UVRAG: variants seen among roughly 807,000 people sequenced by gnomAD.
UVRAG encodes the protein UV radiation resistance-associated gene protein.
UVRAG carries 19 observed loss-of-function variants against 78.0 expected under a neutral mutation model. The observed-to-expected ratio is 0.24, with a 90% CI of 0.17 to 0.36. The LOEUF is 0.36. Among genes scored for constraint, UVRAG ranks in the 10% least tolerant of loss-of-function variants. The pLI, the probability that UVRAG is intolerant of heterozygous loss-of-function variation, is 1.00. For synonymous variants in UVRAG, 323 were observed against 324.6 expected (o/e 1.00, Z 0.05); for missense variants, 740 against 853.8 (o/e 0.87, Z 1.66).
intron 13 of UVRAG, among the ~76,000 whole-genome samples, chr11:76,086,781 C>T (rs1309583224): frequency 2.0e-5 from 3 of 152,110 alleles, no homozygotes; most frequent in African/African-American, 2.4e-5. Context: ...AACAAAGACC[C>T]GCAAGACTGT....
At chr11:75,951,372 G>C (rs972950199) in intron 6 of UVRAG, among the ~76,000 whole-genome samples, 1 of 141,032 alleles carries the variant, frequency 7.1e-6, no homozygotes, top group Non-Finnish European at 1.5e-5. Flanking sequence ...TATATTTTTT[G>C]TTTGTTTGTT....
At chr11:76,062,457 C>T (rs1455457672) in intron 12 of UVRAG, among the ~76,000 whole-genome samples, 2 of 152,124 alleles carry the variant, frequency 1.3e-5, no homozygotes, top group African/African-American at 2.4e-5. Flanking sequence ...TCCTGTAACG[C>T]ATATACCATT....
At chr11:75,835,166 A>C (rs530348185) in intron 1 of UVRAG, 1 of 152,090 alleles carries the variant, frequency 6.6e-6, no homozygotes, top group Admixed American at 6.5e-5. Context: ...TGTGTGTATC[A>C]TGTGTATTTT....
chr11:76,029,327 A>T (rs940914605), intron 12 of UVRAG, among the ~76,000 whole-genome samples: 4 of 151,654 alleles, frequency 2.6e-5, no homozygotes, highest in African/African-American at 9.7e-5. Flanking sequence ...TCCGCAACCC[A>T]TGGATGACTT....
chr11:76,131,269 G>A (rs868546042), intron 14 of UVRAG, among the ~76,000 whole-genome samples: 9 of 152,244 alleles, frequency 5.9e-5, no homozygotes, highest in African/African-American at 1.4e-4. Context: ...CTTTATCTCC[G>A]TGGAGGATCA....
chr11:75,856,252 C>T (rs1023610153), intron 2 of UVRAG, among the ~76,000 whole-genome samples: 5 of 152,158 alleles, frequency 3.3e-5, no homozygotes, highest in Non-Finnish European at 5.9e-5. Flanking sequence ...ATCCGCCTGC[C>T]TCGGCCTCCA....
chr11:75,866,434 G>C (rs1235469961), intron 3 of UVRAG, among the ~76,000 whole-genome samples: 1 of 151,980 alleles, frequency 6.6e-6, no homozygotes, highest in African/African-American at 2.4e-5. Flanking sequence ...GTAGTTCCCT[G>C]CTAGCTGGGA....
At chr11:75,907,444 A>G (rs1170930981) in intron 5 of UVRAG, among the ~76,000 whole-genome samples, 4 of 151,858 alleles carry the variant, frequency 2.6e-5, no homozygotes, top group African/African-American at 2.4e-5. Context: ...AATTTTGTCA[A>G]ATGCATTTTC....
intron 13 of UVRAG, among the ~76,000 whole-genome samples, chr11:76,086,469 G>A (rs1234014426): frequency 2.6e-5 from 4 of 152,122 alleles, no homozygotes; most frequent in Non-Finnish European, 4.4e-5. Flanking sequence ...TTTCATATTT[G>A]AAATTAATTA....
At chr11:75,959,375 A>G (rs1948866979) in intron 6 of UVRAG, among the ~76,000 whole-genome samples, 1 of 152,228 alleles carries the variant, frequency 6.6e-6, no homozygotes, top group Non-Finnish European at 1.5e-5. Context: ...CAGCTTCTCC[A>G]TTAGCACTTC....
chr11:76,019,762 T>C (rs1303435426), intron 12 of UVRAG, among the ~76,000 whole-genome samples: 1 of 152,172 alleles, frequency 6.6e-6, no homozygotes, highest in Non-Finnish European at 1.5e-5. Context: ...ACCACTGGGA[T>C]TTCCCTGGTT....
At chr11:75,956,108 A>G (rs546822555) in intron 6 of UVRAG, among the ~76,000 whole-genome samples, 134 of 152,304 alleles carry the variant, frequency 8.8e-4, no homozygotes, top group Non-Finnish European at 1.7e-3. Flanking sequence ...TGTTGTATGT[A>G]CCAGTGGTGT....
chr11:75,921,429 G>A (rs184133170), intron 6 of UVRAG, among the ~76,000 whole-genome samples: 152 of 152,236 alleles, frequency 1.0e-3, no homozygotes, highest in African/African-American at 3.5e-3. Context: ...AAATTGAGTT[G>A]CTTGCATTTT....
At chr11:76,037,122 A>G (rs1413503965) in intron 12 of UVRAG, among the ~76,000 whole-genome samples, 1 of 152,216 alleles carries the variant, frequency 6.6e-6, no homozygotes, top group Non-Finnish European at 1.5e-5. Flanking sequence ...ATAAGTGTGA[A>G]TTTGATAAAA....
intron 1 of UVRAG, among the ~76,000 whole-genome samples, chr11:75,836,643 G>A (rs1340053708): frequency 2.0e-5 from 3 of 152,086 alleles, no homozygotes; most frequent in African/African-American, 2.4e-5. Flanking sequence ...TTCATACCAC[G>A]AAAAAGCAGC....
chr11:75,973,270 G>A (rs1394322325), intron 7 of UVRAG, among the ~76,000 whole-genome samples: 29 of 152,146 alleles, frequency 1.9e-4, no homozygotes, highest in Admixed American at 1.8e-3. Context: ...TTTGTCACAT[G>A]CTTTTTCTGC....
chr11:75,892,975 C>G (rs1310614095), intron 5 of UVRAG, among the ~76,000 whole-genome samples: 1 of 152,018 alleles, frequency 6.6e-6, no homozygotes, highest in East Asian at 1.9e-4. Flanking sequence ...GTCAGGCATT[C>G]AAGACCAGCC....
intron 13 of UVRAG, among the ~76,000 whole-genome samples, chr11:76,112,396 G>A (rs1184008647): frequency 6.6e-6 from 1 of 152,162 alleles, no homozygotes; most frequent in Non-Finnish European, 1.5e-5. Flanking sequence ...TATTCAGGGT[G>A]TCATGAAAGT....
chr11:75,948,879 A>G (rs750193525), intron 6 of UVRAG, among the ~76,000 whole-genome samples: 1 of 152,198 alleles, frequency 6.6e-6, no homozygotes, highest in Non-Finnish European at 1.5e-5. Context: ...TTGTAAGTTT[A>G]TGGATTGTGA....
Sources: gnomAD v4.1 joint callset for allele counts (sites outside exome capture counted in the v4.1 genomes callset) on GRCh38, gnomAD v4.1.1 for gene constraint, MANE v1.5 for transcripts, NCBI Gene and HGNC (gene_info 2026-07-23, HGNC 2026-07-21) for gene names.